BTBD8: variants seen among roughly 807,000 people sequenced by gnomAD.
BTBD8 encodes the protein BTB domain containing 8, also known as BTB/POZ domain-containing protein 8.
BTBD8 carries 110 observed loss-of-function variants against 162.9 expected under a neutral mutation model. The observed-to-expected ratio is 0.68, with a 90% CI of 0.58 to 0.79. The LOEUF (loss-of-function observed/expected upper bound fraction) is 0.79, where lower values mean the gene tolerates loss of function less well. BTBD8 is among the 30% of genes least tolerant of loss of function. The pLI is 0.00. For synonymous variants in BTBD8, 667 were observed against 716.1 expected (o/e 0.93, Z 1.10); for missense variants, 1,905 against 2,085.4 (o/e 0.91, Z 1.68).
At chr1:92,146,116 G>A (rs1337105006) in intron 7 of BTBD8, among the ~76,000 whole-genome samples, 2 of 151,998 alleles carry the variant, frequency 1.3e-5, no homozygotes, top group Non-Finnish European at 2.9e-5. Context: ...ATGTTGTATT[G>A]CAATGTGATG....
chr1:92,115,676 CCATGTAGTTGAGGT>C (rs1649020724), intron 4 of BTBD8: 1 of 346,570 alleles, frequency 2.9e-6, no homozygotes, highest in Admixed American at 3.1e-5. Context: ...AACATGTAGA[CCATGTAGTTGAGGT>C]CAGTGAAGGG....
chr1:92,100,001 A>C (rs1197980900), intron 2 of BTBD8, among the ~76,000 whole-genome samples: 1 of 152,102 alleles, frequency 6.6e-6, no homozygotes, highest in Non-Finnish European at 1.5e-5. Context: ...TTTTTCATGG[A>C]TGTCCTTTAT....
At chr1:92,166,864 A>T (rs1650398926) in intron 9 of BTBD8, 94 bp from the exon 10 acceptor site, 1 of 1,282,370 alleles carries the variant, frequency 7.8e-7, no homozygotes, top group Admixed American at 2.9e-5. Flanking sequence ...TTTGCAGGAA[A>T]CATCCCATAA....
rs1557450020 is a variant in BTBD8 at position 92,129,694 on chromosome 1, T to A, written c.670T>A (p.Leu224Met). 1 of 1,613,952 alleles carries A rather than the reference T, an allele frequency of 6.2e-7. No individual in the cohort carries two copies. Among genetic ancestry groups the A allele is most frequent in the East Asian group, 2.2e-5 (1 of 44,880 alleles). Residue 224 changes from leucine (L) to methionine (M), a missense_variant, in exon 5 of 18, where the codon TTG (leucine) becomes ATG (methionine). By Grantham distance (15) the Leu-to-Met change is conservative. Coordinates refer to ENST00000636805, the MANE Select transcript of BTBD8 (RefSeq NM_001376131.1). ...GKRFKAHRAI[L>M]SARSSYFAAM... is the part of the protein sequence containing the mutation. ...CCCCCCTCTTCCCTTTAGGGCCATT[T>A]TGAGTGCCAGATCTAGTTATTTTGC... is the stretch of plus-strand genomic sequence containing the variant.
chr1:92,108,905 G>A (rs1454057286), intron 4 of BTBD8, among the ~76,000 whole-genome samples: 1 of 152,192 alleles, frequency 6.6e-6, no homozygotes, highest in Non-Finnish European at 1.5e-5. Context: ...GGGGTGCACA[G>A]CCCTTAATGA....
intron 4 of BTBD8, among the ~76,000 whole-genome samples, chr1:92,114,632 A>C (rs528252087): frequency 6.6e-6 from 1 of 152,134 alleles, no homozygotes; most frequent in East Asian, 1.9e-4. Context: ...TATTCATTTG[A>C]TTGTCAGGGT....
intron 9 of BTBD8, among the ~76,000 whole-genome samples, chr1:92,163,946 G>A (rs1164304598): frequency 2.0e-5 from 3 of 152,142 alleles, no homozygotes; most frequent in African/African-American, 4.8e-5. Flanking sequence ...ATCACATTAT[G>A]TATATAGTAA....
At chr1:92,150,715 A>G (rs61729650) in intron 9 of BTBD8, 154 of 152,324 alleles carry the variant, frequency 1.0e-3, no homozygotes, top group African/African-American at 3.4e-3. Flanking sequence ...ACACTCACTT[A>G]TACTGGGACA....
intron 13 of BTBD8, among the ~76,000 whole-genome samples, chr1:92,173,960 G>C (rs1650630707): frequency 6.6e-6 from 1 of 152,070 alleles, no homozygotes. Context: ...TGTTGTGGTG[G>C]TGGTTGTTGT....
Position 92,141,106 on chromosome 1 carries a change from T to C in BTBD8, c.834-9T>C, listed in dbSNP as rs141428099. ...TGGAGAATTAACAGTGCATCTATTTTTATTTTAGTCAGATACTCAATATGG... is the reference window on the plus strand; with the variant it reads ...TGGAGAATTAACAGTGCATCTATTTCTATTTTAGTCAGATACTCAATATGG... On this transcript the variant is annotated splice_polypyrimidine_tract_variant and intron_variant, in intron 6 of 17. Coordinates refer to ENST00000636805, the MANE Select transcript of BTBD8 (RefSeq NM_001376131.1). The C allele has an allele frequency of 7.9e-4, 1,222 of 1,539,028 alleles. 9 individuals carry two copies. In the African/African-American group the frequency reaches 0.014, roughly 17 times the overall value.
chr1:92,171,268 G>A (rs889417995), intron 12 of BTBD8, 131 bp from the exon 13 acceptor site: 4 of 592,856 alleles, frequency 6.7e-6, no homozygotes, highest in Non-Finnish European at 1.1e-5. Flanking sequence ...TTGTATACTA[G>A]ATTGGTTTCA....
At chr1:92,115,115 G>A (rs1482849021) in intron 4 of BTBD8, 7 of 458,220 alleles carry the variant, frequency 1.5e-5, no homozygotes, top group African/African-American at 2.0e-5. Context: ...GAAAGGCCAC[G>A]CCATTGAGCT....
intron 12 of BTBD8, among the ~76,000 whole-genome samples, chr1:92,169,282 G>T (rs954342185): frequency 1.2e-4 from 18 of 152,176 alleles, no homozygotes; most frequent in Admixed American, 3.9e-4. Context: ...CTTGTGAAGA[G>T]ATTAAAAGTG....
chr1:92,163,070 C>T (rs1476499289), intron 9 of BTBD8, among the ~76,000 whole-genome samples: 2 of 151,800 alleles, frequency 1.3e-5, no homozygotes, highest in East Asian at 3.9e-4. Flanking sequence ...AGGCAAGATA[C>T]AGGGCCAGGC....
intron 13 of BTBD8, 29 bp from the exon 14 acceptor site, chr1:92,176,800 T>G: frequency 9.1e-7 from 1 of 1,095,002 alleles, no homozygotes; most frequent in Non-Finnish European, 1.2e-6. Context: ...TTCAGTCAAA[T>G]TACAAAGTAT....
chr1:92,093,867 CA>C (rs1189849990), intron 2 of BTBD8, among the ~76,000 whole-genome samples: 6 of 152,138 alleles, frequency 3.9e-5, no homozygotes, highest in Admixed American at 2.6e-4. Flanking sequence ...TACATTTCTT[CA>C]GCTGTTGAAT....
At chr1:92,091,403 T>C (rs1265389871) in intron 2 of BTBD8, among the ~76,000 whole-genome samples, 1 of 152,186 alleles carries the variant, frequency 6.6e-6, no homozygotes, top group Non-Finnish European at 1.5e-5. Flanking sequence ...TAAATTACGC[T>C]GTCTCAGGTA....
chr1:92,178,776 A>G (rs781214103), intron 16 of BTBD8, among the ~76,000 whole-genome samples: 31 of 152,132 alleles, frequency 2.0e-4, no homozygotes, highest in Non-Finnish European at 3.2e-4. Flanking sequence ...GGCATGAGTC[A>G]ACACACCTGG....
At chr1:92,121,879 C>G (rs1181913556) in intron 4 of BTBD8, among the ~76,000 whole-genome samples, 3 of 151,594 alleles carry the variant, frequency 2.0e-5, no homozygotes, top group Admixed American at 6.6e-5. Flanking sequence ...CTATGTTACC[C>G]AGGCAGGTCT....
Sources: gnomAD v4.1 joint callset for allele counts (sites outside exome capture counted in the v4.1 genomes callset) on GRCh38, gnomAD v4.1.1 for gene constraint, MANE v1.5 for transcripts, NCBI Gene and HGNC (gene_info 2026-07-23, HGNC 2026-07-21) for gene names.